MACROD1: variants seen among roughly 807,000 people sequenced by gnomAD.
MACROD1 encodes the protein ADP-ribose glycohydrolase MACROD1.
Under a neutral mutation model 41.4 loss-of-function variants are expected in MACROD1, and 31 were observed. The ratio of observed to expected loss-of-function variants is 0.75; its 90% CI spans 0.56 to 1.01. MACROD1 has a LOEUF of 1.01. MACROD1 is among the 50% of genes least tolerant of loss of function. The pLI is 0.00. For missense variants in MACROD1, 473 were observed against 460.0 expected (o/e 1.03, Z -0.26); for synonymous variants, 252 against 203.4 (o/e 1.24, Z -2.03).
At chr11:64,111,448 C>T (rs749502221) in intron 3 of MACROD1, among the ~76,000 whole-genome samples, 3 of 152,248 alleles carry the variant, frequency 2.0e-5, no homozygotes, top group Non-Finnish European at 4.4e-5. Context: ...TACCTACCTG[C>T]TCATAAGTGG....
chr11:64,021,948 G>GT (rs1943160767), intron 3 of MACROD1, among the ~76,000 whole-genome samples: 1 of 70,794 alleles, frequency 1.4e-5, no homozygotes, highest in Non-Finnish European at 3.2e-5. Flanking sequence ...GGGGGGGGGG[G>GT]GGGTGTGAGG....
chr11:64,101,177 A>T (rs888023684), intron 3 of MACROD1, among the ~76,000 whole-genome samples: 3 of 152,016 alleles, frequency 2.0e-5, no homozygotes, highest in Admixed American at 6.5e-5. Context: ...ATTCTTACAG[A>T]AGGGGAACAG....
intron 3 of MACROD1, among the ~76,000 whole-genome samples, chr11:64,053,983 C>T (rs2186565): frequency 0.012 from 1,785 of 152,240 alleles, 38 homozygotes; most frequent in African/African-American, 0.04. Flanking sequence ...CCGTGCTGGG[C>T]GCTCTGCACT....
intron 4 of MACROD1, among the ~76,000 whole-genome samples, chr11:64,010,402 T>A (rs1219472330): frequency 6.7e-6 from 1 of 148,798 alleles, no homozygotes; most frequent in Non-Finnish European, 1.5e-5. Flanking sequence ...GACCGGGGTG[T>A]TGGCTGGAGT....
intron 3 of MACROD1, among the ~76,000 whole-genome samples, chr11:64,123,087 C>T (rs941939088): frequency 3.3e-5 from 5 of 151,798 alleles, no homozygotes; most frequent in Non-Finnish European, 4.4e-5. Flanking sequence ...AGCAAAGGGG[C>T]GGGGAGGGCA....
intron 3 of MACROD1, among the ~76,000 whole-genome samples, chr11:64,089,010 T>C (rs1944443141): frequency 6.6e-6 from 1 of 152,114 alleles, no homozygotes; most frequent in Non-Finnish European, 1.5e-5. Context: ...CCGAAGCCAC[T>C]GGGAGGGCCA....
chr11:64,059,022 G>C (rs1943846295), intron 3 of MACROD1, among the ~76,000 whole-genome samples: 1 of 152,212 alleles, frequency 6.6e-6, no homozygotes, highest in Non-Finnish European at 1.5e-5. Flanking sequence ...GGGCTGAGGA[G>C]TGCCTGATGC....
intron 3 of MACROD1, among the ~76,000 whole-genome samples, chr11:64,109,544 G>A (rs1590921121): frequency 6.6e-6 from 1 of 152,196 alleles, no homozygotes; most frequent in Non-Finnish European, 1.5e-5. Flanking sequence ...CTTCTCAGGG[G>A]TGGGAGTGAG....
intron 3 of MACROD1, among the ~76,000 whole-genome samples, chr11:64,054,565 C>G (rs2134420404): frequency 6.6e-6 from 1 of 152,284 alleles, no homozygotes; most frequent in Middle Eastern, 3.4e-3. Flanking sequence ...AGCCAGCCAG[C>G]AGGCCCCAGG....
rs1397661015 is a variant in MACROD1 at position 64,010,486 on chromosome 11, CTGGGGTGTTGGT to C, written c.547+4754_547+4765del. ...GCTGGCATGTTGGTTGGGGTGTTGG[CTGGGGTGTTGGT>C]TGGGGTGTTGGTTGGTGTGTTGGTT... On this transcript the variant is annotated intron_variant, in intron 4 of 10. Transcript: ENST00000255681. Among the ~76,000 whole-genome samples the C allele has an allele frequency of 1.3e-3, 149 of 113,890 alleles. 1 individual carries two copies. The South Asian group carries it at 0.039, about 30-fold the overall frequency. 74.7% of individuals were successfully genotyped at this position (113,890 alleles called of 152,430 possible).
intron 3 of MACROD1, among the ~76,000 whole-genome samples, chr11:64,056,503 C>A: frequency 6.6e-6 from 1 of 152,190 alleles, no homozygotes; most frequent in East Asian, 1.9e-4. Context: ...GACAGACGGA[C>A]GGAGAGACGG....
At chr11:64,085,010 A>G (rs1944369399) in intron 3 of MACROD1, among the ~76,000 whole-genome samples, 2 of 152,134 alleles carry the variant, frequency 1.3e-5, no homozygotes, top group African/African-American at 2.4e-5. Flanking sequence ...TACTATAACA[A>G]TGGGTCCTAT....
At chr11:64,113,497 GTTGGATGGATGGATAA>G (rs112667163) in intron 3 of MACROD1, among the ~76,000 whole-genome samples, 13 of 151,618 alleles carry the variant, frequency 8.6e-5, no homozygotes, top group African/African-American at 2.9e-4. Flanking sequence ...TGGATGGATG[GTTGGATGGATGGATAA>G]TTGGATGGAT....
intron 3 of MACROD1, among the ~76,000 whole-genome samples, chr11:64,098,801 T>C (rs1944621843): frequency 6.6e-6 from 1 of 152,210 alleles, no homozygotes; most frequent in South Asian, 2.1e-4. Flanking sequence ...GGCAGGCATG[T>C]TGTTCATTTA....
chr11:64,110,757 T>G (rs762350240), intron 3 of MACROD1, among the ~76,000 whole-genome samples: 57 of 152,156 alleles, frequency 3.7e-4, no homozygotes, highest in Non-Finnish European at 6.5e-4. Context: ...CGACAAGCGA[T>G]CCCATAAAAG....
intron 3 of MACROD1, among the ~76,000 whole-genome samples, chr11:64,097,161 C>T (rs979131554): frequency 7.9e-5 from 12 of 152,230 alleles, no homozygotes; most frequent in African/African-American, 2.9e-4. Flanking sequence ...AGGGAACCCT[C>T]CCCCTCTGCA....
At chr11:64,076,562 G>A (rs1010046430) in intron 3 of MACROD1, among the ~76,000 whole-genome samples, 5 of 152,094 alleles carry the variant, frequency 3.3e-5, no homozygotes, top group African/African-American at 4.8e-5. Context: ...CTAAGTTCTC[G>A]GCCAGAGAAC....
Position 64,117,148 on chromosome 11 carries a change from G to T in MACROD1, c.517+34091C>A, listed in dbSNP as rs770098892. On this transcript the variant is annotated intron_variant, in intron 3 of 10. Transcript: ENST00000255681. ...CCCTACAACACGCTGGCCAAGATGC[G>T]TGAGCTGGAGCGGCTGGACCTGTCC... 21 of 1,613,692 alleles carry T rather than the reference G, an allele frequency of 1.3e-5. No homozygotes were observed. Among genetic ancestry groups the T allele is most frequent in the African/African-American group, 1.3e-5 (1 of 74,936 alleles).
At chr11:64,053,559 G>A (rs2134418014) in intron 3 of MACROD1, among the ~76,000 whole-genome samples, 1 of 152,262 alleles carries the variant, frequency 6.6e-6, no homozygotes, top group African/African-American at 2.4e-5. Context: ...CCTGGACTCA[G>A]ACACCACAGC....
Sources: allele counts gnomAD v4.1 joint callset (sites outside exome capture counted in the v4.1 genomes callset), GRCh38; gene constraint gnomAD v4.1.1; transcripts MANE v1.5; gene names NCBI Gene and HGNC (gene_info 2026-07-23, HGNC 2026-07-21).